The following GRIK2 variants were observed in gnomAD, a reference collection of about 807,000 sequenced individuals.
The protein encoded by GRIK2 is glutamate ionotropic receptor kainate type subunit 2.
A neutral mutation model predicts 100.3 loss-of-function variants in GRIK2; 32 were observed. The observed-to-expected ratio is 0.32, with a 90% CI of 0.24 to 0.43. GRIK2 has a LOEUF of 0.43. GRIK2 is among the 20% of genes least tolerant of loss of function. The pLI, the probability that GRIK2 is intolerant of heterozygous loss-of-function variation, is 1.00. For missense variants in GRIK2, 843 were observed against 1,114.9 expected (o/e 0.76, Z 3.47); for synonymous variants, 417 against 389.4 (o/e 1.07, Z -0.83).
chr6:101,494,041 T>TTAA (rs1773297639), intron 2 of GRIK2, among the ~76,000 whole-genome samples: 13 of 134,910 alleles, frequency 9.6e-5, no homozygotes, highest in African/African-American at 3.6e-4. Context: ...TAATTTATTA[T>TTAA]ATAAAATATA....
chr6:101,882,138 C>T (rs1338209840), intron 11 of GRIK2, among the ~76,000 whole-genome samples: 1 of 152,010 alleles, frequency 6.6e-6, no homozygotes, highest in Non-Finnish European at 1.5e-5. Context: ...AAACCACTCC[C>T]ATGATTCAAT....
chr6:101,983,778 T>C (rs1380627601), intron 14 of GRIK2, among the ~76,000 whole-genome samples: 1 of 151,798 alleles, frequency 6.6e-6, no homozygotes, highest in Non-Finnish European at 1.5e-5. Context: ...CCTAGGAATG[T>C]ACAGAAACCA....
At chr6:101,780,591 T>C (rs1779024131) in intron 7 of GRIK2, among the ~76,000 whole-genome samples, 1 of 152,178 alleles carries the variant, frequency 6.6e-6, no homozygotes, top group Non-Finnish European at 1.5e-5. Context: ...ATTATTGTTT[T>C]GTAATAATAA....
chr6:101,779,574 C>G (rs1396634820), intron 7 of GRIK2, among the ~76,000 whole-genome samples: 1 of 152,140 alleles, frequency 6.6e-6, no homozygotes, highest in African/African-American at 2.4e-5. Flanking sequence ...TAGCTTCAAT[C>G]TAGTCTGAAG....
chr6:101,978,522 A>G (rs915170127), intron 14 of GRIK2, among the ~76,000 whole-genome samples: 4 of 151,948 alleles, frequency 2.6e-5, no homozygotes, highest in Non-Finnish European at 4.4e-5. Flanking sequence ...CTCCTTGAAC[A>G]TTACTCACTT....
chr6:101,987,581 C>A (rs1794087714), intron 14 of GRIK2, among the ~76,000 whole-genome samples: 1 of 150,756 alleles, frequency 6.6e-6, no homozygotes, highest in African/African-American at 2.4e-5. Context: ...TAATGACATC[C>A]TATTAAACAC....
At chr6:101,867,170 C>A (rs1785103597) in intron 11 of GRIK2, among the ~76,000 whole-genome samples, 1 of 151,834 alleles carries the variant, frequency 6.6e-6, no homozygotes, top group Non-Finnish European at 1.5e-5. Flanking sequence ...AGCCTGAATT[C>A]CTTTTACGCC....
At chr6:101,695,988 T>TA (rs896713835) in intron 7 of GRIK2, among the ~76,000 whole-genome samples, 24 of 151,954 alleles carry the variant, frequency 1.6e-4, no homozygotes, top group African/African-American at 4.6e-4. Context: ...CATCATAAAA[T>TA]AAAAAAAATC....
At chr6:101,993,828 A>G (rs370044523) in intron 14 of GRIK2, 1 of 147,936 alleles carries the variant, frequency 6.8e-6, no homozygotes, top group South Asian at 2.1e-4. Context: ...AAATAAATAT[A>G]TATGTTCTAC....
At chr6:101,834,511 G>A (rs1259778727) in intron 10 of GRIK2, among the ~76,000 whole-genome samples, 1 of 151,946 alleles carries the variant, frequency 6.6e-6, no homozygotes, top group East Asian at 1.9e-4. Flanking sequence ...GTCTTTTGAA[G>A]ATATTTATAA....
intron 4 of GRIK2, among the ~76,000 whole-genome samples, chr6:101,627,863 TATC>T (rs1780536582): frequency 6.6e-6 from 1 of 152,144 alleles, no homozygotes; most frequent in Admixed American, 6.6e-5. Context: ...TATCTTGAAT[TATC>T]AGTTAAAAAC....
intron 7 of GRIK2, among the ~76,000 whole-genome samples, chr6:101,690,632 A>G (rs368650693): frequency 1.8e-4 from 28 of 151,954 alleles, no homozygotes; most frequent in Admixed American, 3.3e-4. Context: ...ACTTGAGCTC[A>G]TTTGCCAAGC....
Position 101,928,865 on chromosome 6 carries a change from T to G in GRIK2, c.2085+233T>G, listed in dbSNP as rs147661559. ...TGCTTTACAATATTTTGTTCCTGTT[T>G]TGAGGAAAATCAGCCCAAGGGTAAC... is the stretch of plus-strand genomic sequence containing the variant. On this transcript the variant is annotated intron_variant, in intron 14 of 16. Coordinates refer to ENST00000369134, the MANE Select transcript of GRIK2 (RefSeq NM_021956.5). Among the ~76,000 whole-genome samples, 338 of 152,244 alleles carry G rather than the reference T, an allele frequency of 2.2e-3. 1 individual carries two copies. Among genetic ancestry groups the G allele is most frequent in the Non-Finnish European group, 4.1e-3 (277 of 68,004 alleles).
chr6:101,980,181 C>A (rs1439632395), intron 14 of GRIK2, among the ~76,000 whole-genome samples: 1 of 151,908 alleles, frequency 6.6e-6, no homozygotes, highest in Non-Finnish European at 1.5e-5. Context: ...CCATACCCTC[C>A]CAAAACACAG....
intron 4 of GRIK2, among the ~76,000 whole-genome samples, chr6:101,648,414 T>C (rs151319936): frequency 3.2e-4 from 49 of 152,256 alleles, no homozygotes; most frequent in African/African-American, 1.2e-3. Context: ...CAAGATCTAC[T>C]TTTGTATTCT....
chr6:101,411,427 G>C lies in GRIK2; in HGVS notation c.115+12035G>C, dbSNP rs370335850. Among the ~76,000 whole-genome samples the C allele has an allele frequency of 2.6e-4, 40 of 152,126 alleles. 2 individuals are homozygous for C. In the East Asian group the frequency reaches 7.1e-3, roughly 27 times the overall value. ...AATTCTATAGTTTAATATGTTACTA[G>C]ATTTAGTTAGCATGTTACAAGTGCA... is the stretch of plus-strand genomic sequence containing the variant. On this transcript the variant is annotated intron_variant, in intron 2 of 16. Coordinates refer to ENST00000369134, the MANE Select transcript of GRIK2 (RefSeq NM_021956.5).
At position 101,905,822 on chromosome 6, in the gene GRIK2, C is replaced by A. The variant is rs186762247; in HGVS notation, c.1748+15959C>A. Among the ~76,000 whole-genome samples, 775 of 151,314 alleles carry A rather than the reference C, an allele frequency of 5.1e-3. 9 individuals are homozygous for A. Among genetic ancestry groups the A allele is most frequent in the Middle Eastern group, 0.015 (4 of 272 alleles). On this transcript the variant is annotated intron_variant, in intron 12 of 16. Coordinates refer to ENST00000369134, the MANE Select transcript of GRIK2 (RefSeq NM_021956.5). ...TCTAATATGTATATATTTGGAATAACCTGCCAGTCACTATACCTACTCTTT... is the reference window on the plus strand; with the variant it reads ...TCTAATATGTATATATTTGGAATAAACTGCCAGTCACTATACCTACTCTTT...
Position 101,998,601 on chromosome 6 carries a change from G to T in GRIK2, c.2086-36740G>T, listed in dbSNP as rs191935017. ...TATTTTCTTCTAGAAGTTTTATAGG[G>T]TTAGGCTTAAAAATGGTTCTAAGAT... On this transcript the variant is annotated intron_variant, in intron 14 of 16. Coordinates refer to ENST00000369134, the MANE Select transcript of GRIK2 (RefSeq NM_021956.5). Among the ~76,000 whole-genome samples the T allele has an allele frequency of 4.0e-3, 609 of 151,964 alleles. 2 individuals carry two copies. The highest frequency in any genetic ancestry group is 6.8e-3 in the Non-Finnish European group (463 of 67,954).
At chr6:101,581,121 G>A (rs893153153) in intron 2 of GRIK2, among the ~76,000 whole-genome samples, 18 of 151,726 alleles carry the variant, frequency 1.2e-4, no homozygotes, top group Admixed American at 4.6e-4. Flanking sequence ...CATTAGGCAT[G>A]TGTTACGTTT....
Sources: allele counts gnomAD v4.1 joint callset (sites outside exome capture counted in the v4.1 genomes callset), GRCh38; gene constraint gnomAD v4.1.1; transcripts MANE v1.5; gene names NCBI Gene and HGNC (gene_info 2026-07-23, HGNC 2026-07-21).